The following CSMD1 variants were observed in gnomAD, a reference collection of about 807,000 sequenced individuals.
CSMD1 encodes CUB and sushi domain-containing protein 1.
CSMD1 carries 213 observed loss-of-function variants against 417.5 expected under a neutral mutation model. The observed-to-expected ratio is 0.51, with a 90% CI of 0.46 to 0.57. The LOEUF is 0.57. Ranked by LOEUF, CSMD1 falls within the 20% of genes least tolerant of loss-of-function variation. The pLI is 0.00. For synonymous variants in CSMD1, 2,862 were observed against 1,736.8 expected (o/e 1.65, Z -16.11); for missense variants, 6,923 against 4,529.7 (o/e 1.53, Z -15.17).
intron 3 of CSMD1, among the ~76,000 whole-genome samples, chr8:4,369,136 G>A (rs760914162): frequency 6.6e-6 from 1 of 152,000 alleles, no homozygotes; most frequent in Non-Finnish European, 1.5e-5. Flanking sequence ...AGAGATTCTG[G>A]TATTTTGTGT....
intron 3 of CSMD1, among the ~76,000 whole-genome samples, chr8:4,113,750 T>G (rs1801983972): frequency 6.6e-6 from 1 of 152,164 alleles, no homozygotes; most frequent in African/African-American, 2.4e-5. Flanking sequence ...TGAAACAGCC[T>G]TATTGGTGAG....
At chr8:4,040,393 C>T (rs1585186808) in intron 3 of CSMD1, among the ~76,000 whole-genome samples, 1 of 152,156 alleles carries the variant, frequency 6.6e-6, no homozygotes, top group Admixed American at 6.5e-5. Context: ...AAACATGCTG[C>T]AGGGAGATCA....
intron 6 of CSMD1, among the ~76,000 whole-genome samples, chr8:3,746,746 T>C (rs565361638): frequency 1.7e-4 from 26 of 152,220 alleles, no homozygotes; most frequent in Non-Finnish European, 3.4e-4. Context: ...CCTTACCAGA[T>C]ACCCAGAAGC....
chr8:4,662,434 TA>T (rs1185366857), intron 1 of CSMD1, among the ~76,000 whole-genome samples: 6 of 152,180 alleles, frequency 3.9e-5, no homozygotes, highest in South Asian at 2.1e-4. Context: ...GCTTTTCTTT[TA>T]ATAACACTAA....
intron 2 of CSMD1, among the ~76,000 whole-genome samples, chr8:4,559,064 A>G (rs1397763362): frequency 2.0e-5 from 3 of 152,094 alleles, no homozygotes; most frequent in Non-Finnish European, 4.4e-5. Flanking sequence ...CTTGTATTTA[A>G]GCAGTTATGA....
At chr8:3,964,879 T>G (rs1426656302) in intron 5 of CSMD1, among the ~76,000 whole-genome samples, 1 of 152,204 alleles carries the variant, frequency 6.6e-6, no homozygotes, top group African/African-American at 2.4e-5. Flanking sequence ...TGATTGCATA[T>G]TATGCCTACT....
chr8:3,525,248 C>T (rs17066319), intron 10 of CSMD1, among the ~76,000 whole-genome samples: 34,636 of 151,906 alleles, frequency 0.23, 4,499 homozygotes, highest in African/African-American at 0.33. Flanking sequence ...ATCCCTGGAA[C>T]TGAGGGTCCT....
chr8:3,712,541 A>G (rs930638555), intron 6 of CSMD1, among the ~76,000 whole-genome samples: 2 of 152,164 alleles, frequency 1.3e-5, no homozygotes, highest in African/African-American at 4.8e-5. Context: ...GAATTAAACT[A>G]TTGAGTCATT....
intron 26 of CSMD1, among the ~76,000 whole-genome samples, chr8:3,262,069 A>G (rs1044030336): frequency 6.6e-6 from 1 of 151,542 alleles, no homozygotes; most frequent in Non-Finnish European, 1.5e-5. Context: ...GATTACCCCA[A>G]AGTAAAACAA....
At chr8:4,749,377 C>T (rs914376092) in intron 1 of CSMD1, among the ~76,000 whole-genome samples, 4 of 152,170 alleles carry the variant, frequency 2.6e-5, no homozygotes, top group Non-Finnish European at 5.9e-5. Flanking sequence ...AGTTGCTAAG[C>T]GGTCCTTGAT....
intron 7 of CSMD1, among the ~76,000 whole-genome samples, chr8:3,650,617 G>C (rs1457582723): frequency 6.6e-6 from 1 of 152,128 alleles, no homozygotes; most frequent in Non-Finnish European, 1.5e-5. Context: ...TGAATGTACT[G>C]AGCTCCCGGC....
intron 26 of CSMD1, among the ~76,000 whole-genome samples, chr8:3,253,942 A>C (rs1038929722): frequency 2.0e-5 from 3 of 152,138 alleles, no homozygotes; most frequent in Non-Finnish European, 4.4e-5. Context: ...TATTTTGCTC[A>C]TTAGTTGATG....
chr8:2,978,741 A>G lies in CSMD1; in HGVS notation c.8437T>C (p.Phe2813Leu), dbSNP rs941045815. The G allele has an allele frequency of 8.1e-6, 13 of 1,613,620 alleles. No homozygotes were observed. Among genetic ancestry groups the G allele is most frequent in the Non-Finnish European group, 1.1e-5 (13 of 1,179,774 alleles). The change falls in exon 55 of 70, where the codon TTC becomes CTC. Residue 2813 changes from phenylalanine to leucine, a missense_variant. By Grantham distance (22) the Phe-to-Leu change is conservative. Transcript: ENST00000635120. ...ATTCCATACTCAAAACTCTCAGGGAAGTTCTGTTGCCCGTGACGAATGGCA... is the reference window on the plus strand; with the variant it reads ...ATTCCATACTCAAAACTCTCAGGGAGGTTCTGTTGCCCGTGACGAATGGCA... Reference protein sequence around the residue: ...ENAIRHGQQNFPESFEYGMSI... With the variant: ...ENAIRHGQQNLPESFEYGMSI...
intron 1 of CSMD1, among the ~76,000 whole-genome samples, chr8:4,977,053 A>G (rs921019236): frequency 6.6e-6 from 1 of 152,172 alleles, no homozygotes; most frequent in African/African-American, 2.4e-5. Flanking sequence ...GCTCATTTTT[A>G]TACAGCTTTT....
At chr8:4,541,516 A>T (rs1283557993) in intron 2 of CSMD1, among the ~76,000 whole-genome samples, 1 of 151,998 alleles carries the variant, frequency 6.6e-6, no homozygotes. Context: ...GGGAGGCTGA[A>T]CTGGGCCTAT....
rs373337197 is a variant in CSMD1, at chr8:3,368,296, G to C, written c.2899+958C>G. 3.4e-4 allele frequency among the ~76,000 whole-genome samples: 51 copies of C among 152,206 alleles called. 1 individual carries two copies. The East Asian group carries it at 4.4e-3, about 13-fold the overall frequency. On this transcript the variant is annotated intron_variant, in intron 19 of 69. Coordinates refer to ENST00000635120, the MANE Select transcript of CSMD1 (RefSeq NM_033225.6). ...GTTCAAATCTATGTGAAAAGACGAA[G>C]TCTACATAATACTTATGTGATCGAA... is the stretch of plus-strand genomic sequence containing the variant.
At chr8:4,337,915 C>G (rs919055540) in intron 3 of CSMD1, among the ~76,000 whole-genome samples, 2 of 152,198 alleles carry the variant, frequency 1.3e-5, no homozygotes, top group Middle Eastern at 3.4e-3. Flanking sequence ...CATCACTGAA[C>G]AAATCGTTTA....
intron 8 of CSMD1, among the ~76,000 whole-genome samples, chr8:3,602,365 G>C (rs958402194): frequency 1.3e-5 from 2 of 152,118 alleles, no homozygotes; most frequent in African/African-American, 2.4e-5. Flanking sequence ...TGGAGGCATA[G>C]AGGAAAGCAA....
At chr8:3,618,419 T>G (rs1452591446) in intron 7 of CSMD1, among the ~76,000 whole-genome samples, 2 of 152,212 alleles carry the variant, frequency 1.3e-5, no homozygotes, top group Admixed American at 1.3e-4. Context: ...ACTTCACTAT[T>G]CCAAACGGGT....
Sources: allele counts gnomAD v4.1 joint callset (sites outside exome capture counted in the v4.1 genomes callset), GRCh38; gene constraint gnomAD v4.1.1; transcripts MANE v1.5; gene names NCBI Gene and HGNC (gene_info 2026-07-23, HGNC 2026-07-21).